KCNN3: variants seen among roughly 807,000 people sequenced by gnomAD.
KCNN3 encodes small conductance calcium-activated potassium channel protein 3.
In KCNN3, 16 loss-of-function variants were observed where a neutral mutation model predicts 62.9. The observed-to-expected ratio is 0.25, with a 90% CI of 0.17 to 0.39. KCNN3 has a LOEUF of 0.39. Among genes scored for constraint, KCNN3 ranks in the 10% least tolerant of loss-of-function variants. The probability of loss-of-function intolerance (pLI) is 1.00; values close to 1 mark genes in which losing one functional copy is unlikely to be tolerated. For synonymous variants in KCNN3, 370 were observed against 389.2 expected, an observed-to-expected ratio of 0.95 and a Z score of 0.58; for missense variants, 599 against 949.4, an observed-to-expected ratio of 0.63 and a Z score of 4.85.
At chr1:154,747,040 C>T (rs1700952600) in intron 3 of KCNN3, among the ~76,000 whole-genome samples, 1 of 152,174 alleles carries the variant, frequency 6.6e-6, no homozygotes, top group African/African-American at 2.4e-5. Context: ...AACCCCGGCC[C>T]TCTTCCTCCT....
chr1:154,782,840 C>T (rs1649106110), intron 2 of KCNN3, among the ~76,000 whole-genome samples: 1 of 152,232 alleles, frequency 6.6e-6, no homozygotes, highest in Non-Finnish European at 1.5e-5. Context: ...TCTTCCAAGT[C>T]CCACGCCCTT....
In KCNN3 at chr1:154,714,856, A is replaced by C. The variant is rs1348211259; in HGVS notation, c.1829+20T>G. 6.2e-7 allele frequency: 1 copy of C among 1,612,984 alleles called. No individual in the cohort carries two copies. Among genetic ancestry groups the C allele is most frequent in the African/African-American group, 1.3e-5 (1 of 74,770 alleles). ...TCCCAGTCTGGTCATCTGATGGCTG[A>C]ACCGCTCTGGCATACTCACTGGTGG... On this transcript the variant is annotated intron_variant, in intron 6 of 7. Transcript: ENST00000271915.
chr1:154,825,097 T>C (rs1651050745), intron 1 of KCNN3, among the ~76,000 whole-genome samples: 1 of 152,246 alleles, frequency 6.6e-6, no homozygotes, highest in Non-Finnish European at 1.5e-5. Context: ...CTTTGCTGCC[T>C]GAACATCAGT....
chr1:154,832,989 G>T (rs1218548), intron 1 of KCNN3, among the ~76,000 whole-genome samples: 419 of 152,268 alleles, frequency 2.8e-3, no homozygotes, highest in Admixed American at 5.9e-3. Context: ...CCACAGAGAG[G>T]TATGTGGGTT....
chr1:154,752,937 C>T (rs978514715), intron 3 of KCNN3, among the ~76,000 whole-genome samples: 3 of 152,218 alleles, frequency 2.0e-5, no homozygotes, highest in Non-Finnish European at 1.5e-5. Flanking sequence ...CTCAGACTCA[C>T]CTGCCTCCAG....
At chr1:154,711,329 T>A (rs1700069450) in intron 7 of KCNN3, among the ~76,000 whole-genome samples, 1 of 115,256 alleles carries the variant, frequency 8.7e-6, no homozygotes, top group Non-Finnish European at 1.7e-5. Flanking sequence ...AACATCACAC[T>A]CCAGGGACTG....
intron 1 of KCNN3, among the ~76,000 whole-genome samples, chr1:154,837,440 G>GC (rs777718675): frequency 6.3e-4 from 96 of 152,248 alleles, no homozygotes; most frequent in Non-Finnish European, 7.9e-4. Flanking sequence ...ACCGCGCCCA[G>GC]CCTATCTACA....
intron 1 of KCNN3, among the ~76,000 whole-genome samples, chr1:154,859,102 A>G (rs976953101): frequency 1.1e-4 from 16 of 152,242 alleles, no homozygotes; most frequent in African/African-American, 3.9e-4. Flanking sequence ...CCTGAGCAAC[A>G]TGCCTACCCC....
At chr1:154,823,396 T>A (rs1297553430) in intron 1 of KCNN3, among the ~76,000 whole-genome samples, 7 of 152,228 alleles carry the variant, frequency 4.6e-5, no homozygotes, top group Non-Finnish European at 1.0e-4. Flanking sequence ...ATTAGAAGAA[T>A]GATGCCTGAT....
intron 2 of KCNN3, among the ~76,000 whole-genome samples, chr1:154,797,564 G>A (rs960912976): frequency 3.3e-5 from 5 of 152,124 alleles, no homozygotes; most frequent in African/African-American, 7.2e-5. Flanking sequence ...GAATTTACAC[G>A]GACTTATTTG....
At chr1:154,734,346 G>A (rs1158291574) in intron 3 of KCNN3, among the ~76,000 whole-genome samples, 1 of 152,192 alleles carries the variant, frequency 6.6e-6, no homozygotes, top group Non-Finnish European at 1.5e-5. Flanking sequence ...AGAACAAAGG[G>A]CCAGGGAGAC....
At chr1:154,759,805 C>T (rs1647915681) in intron 3 of KCNN3, among the ~76,000 whole-genome samples, 1 of 152,102 alleles carries the variant, frequency 6.6e-6, no homozygotes, top group African/African-American at 2.4e-5. Flanking sequence ...TGGTGTAATG[C>T]AGCAAATAAT....
At chr1:154,837,104 C>CTTT (rs34935250) in intron 1 of KCNN3, among the ~76,000 whole-genome samples, 2 of 144,572 alleles carry the variant, frequency 1.4e-5, no homozygotes, top group African/African-American at 2.5e-5. Flanking sequence ...TTGTTTAAGC[C>CTTT]TTTTTTTTTT....
intron 1 of KCNN3, among the ~76,000 whole-genome samples, chr1:154,837,846 G>A (rs939654089): frequency 6.6e-6 from 1 of 152,216 alleles, no homozygotes; most frequent in African/African-American, 2.4e-5. Context: ...GGTGGGTGGG[G>A]ATTTTGGCCC....
intron 1 of KCNN3, among the ~76,000 whole-genome samples, chr1:154,867,042 T>A (rs1652983596): frequency 6.6e-6 from 1 of 152,162 alleles, no homozygotes; most frequent in Non-Finnish European, 1.5e-5. Context: ...GAACTCTGAC[T>A]ACGGGTGTCA....
intron 4 of KCNN3, among the ~76,000 whole-genome samples, chr1:154,726,578 A>T (rs1700469860): frequency 1.3e-5 from 2 of 152,224 alleles, no homozygotes; most frequent in South Asian, 4.1e-4. Context: ...TGTTTCACAG[A>T]GGGCACCCAG....
chr1:154,792,339 T>C (rs1649552267), intron 2 of KCNN3, among the ~76,000 whole-genome samples: 1 of 152,206 alleles, frequency 6.6e-6, no homozygotes, highest in African/African-American at 2.4e-5. Flanking sequence ...GGGCTCTTAG[T>C]GGAGCCCACT....
chr1:154,760,806 G>C (rs1465873039), intron 3 of KCNN3, among the ~76,000 whole-genome samples: 1 of 152,140 alleles, frequency 6.6e-6, no homozygotes, highest in Non-Finnish European at 1.5e-5. Flanking sequence ...CGGCTCGGGC[G>C]CTCCCATAAG....
chr1:154,777,821 GTGGTCTGTTC>G (rs1372805934), intron 2 of KCNN3, among the ~76,000 whole-genome samples: 1 of 152,232 alleles, frequency 6.6e-6, no homozygotes. Flanking sequence ...GGGCCCTCAA[GTGGTCTGTTC>G]TGGCCTGTTC....
Sources: allele counts gnomAD v4.1 joint callset (sites outside exome capture counted in the v4.1 genomes callset), GRCh38; gene constraint gnomAD v4.1.1; transcripts MANE v1.5; gene names NCBI Gene and HGNC (gene_info 2026-07-23, HGNC 2026-07-21).